SNX29: variants seen among roughly 807,000 people sequenced by gnomAD.
The protein encoded by SNX29 is sorting nexin-29.
A neutral mutation model predicts 102.1 loss-of-function variants in SNX29; 78 were observed. That is an observed-to-expected ratio of 0.76 (90% CI 0.64 to 0.92). The LOEUF (loss-of-function observed/expected upper bound fraction) is 0.92, where lower values mean the gene tolerates loss of function less well. SNX29 is among the 40% of genes least tolerant of loss of function. The pLI is 0.00. For synonymous variants in SNX29, 580 were observed against 414.5 expected (o/e 1.40, Z -4.85); for missense variants, 1,280 against 1,061.7 (o/e 1.21, Z -2.86).
intron 18 of SNX29, among the ~76,000 whole-genome samples, chr16:12,458,665 G>A (rs2086638435): frequency 6.6e-6 from 1 of 152,202 alleles, no homozygotes; most frequent in Non-Finnish European, 1.5e-5. Context: ...GAATTGTGTA[G>A]ATGAGTTAGA....
At chr16:12,566,595 A>AT (rs1312623511) in intron 20 of SNX29, among the ~76,000 whole-genome samples, 2 of 152,194 alleles carry the variant, frequency 1.3e-5, no homozygotes, top group Non-Finnish European at 2.9e-5. Flanking sequence ...GCCTTCCTGT[A>AT]TCTAAGAATC....
chr16:12,051,740 T>C, intron 7 of SNX29, 107 bp from the exon 8 acceptor site: 1 of 1,446,474 alleles, frequency 6.9e-7, no homozygotes, highest in Non-Finnish European at 9.3e-7. Flanking sequence ...TACAGTGTAT[T>C]TCTCACTCGA....
chr16:12,358,015 CCTA>C (rs2082190578), intron 16 of SNX29, among the ~76,000 whole-genome samples: 2 of 152,140 alleles, frequency 1.3e-5, no homozygotes, highest in Non-Finnish European at 2.9e-5. Context: ...TCAGGAGATG[CCTA>C]ATGTTTGCTA....
rs373223796 is a variant in SNX29, at chr16:12,561,422, G to A, written c.2319-7084G>A. Among the ~76,000 whole-genome samples, 4 of 152,144 alleles carry A rather than the reference G, an allele frequency of 2.6e-5. No individual in the cohort carries two copies. In the South Asian group the frequency reaches 8.3e-4, roughly 32 times the overall value. Reference sequence around the variant, plus strand: ...CACACACACAGATCAGTCCTAGCTGGGTTGCAGGGATCCAGCCCTCTAAGC... The same window carrying A: ...CACACACACAGATCAGTCCTAGCTGAGTTGCAGGGATCCAGCCCTCTAAGC... On this transcript the variant is annotated intron_variant, in intron 20 of 20. Coordinates refer to ENST00000566228, the MANE Select transcript of SNX29 (RefSeq NM_032167.5).
intron 16 of SNX29, 115 bp from the exon 17 acceptor site, chr16:12,398,331 A>C: frequency 1.7e-6 from 2 of 1,167,470 alleles, no homozygotes; most frequent in Non-Finnish European, 2.6e-6. Context: ...TTTTCACTTC[A>C]TTCTGAATAG....
At chr16:12,244,570 A>G (rs569227954) in intron 14 of SNX29, among the ~76,000 whole-genome samples, 4 of 152,052 alleles carry the variant, frequency 2.6e-5, no homozygotes, top group Non-Finnish European at 5.9e-5. Flanking sequence ...AGATCATGCC[A>G]TTGCACTCCA....
chr16:12,018,519 G>A (rs2151084577), intron 3 of SNX29, among the ~76,000 whole-genome samples: 1 of 151,340 alleles, frequency 6.6e-6, no homozygotes, highest in East Asian at 1.9e-4. Context: ...GGAGGCGCAG[G>A]TTGCAGTGAG....
At chr16:12,022,099 T>G (rs997512692) in intron 3 of SNX29, among the ~76,000 whole-genome samples, 1 of 151,660 alleles carries the variant, frequency 6.6e-6, no homozygotes, top group Non-Finnish European at 1.5e-5. Flanking sequence ...AAGTTTTTTT[T>G]TTTTTTTTTT....
chr16:12,056,687 G>T (rs544040283), intron 8 of SNX29, among the ~76,000 whole-genome samples: 38 of 152,290 alleles, frequency 2.5e-4, no homozygotes, highest in African/African-American at 9.1e-4. Context: ...ATTCTTTGAT[G>T]TCTGAAGAAG....
rs1406957966 is a variant in SNX29 at position 12,570,833 on chromosome 16, C to T, written c.*2204C>T. The stretch of plus-strand genomic sequence containing the variant: ...AACCCGTGAGAAACAAGTATGCTCT[C>T]AGCTGGTATTGAACTGGTGGGAGAA... On this transcript the variant is annotated 3_prime_UTR_variant, in exon 21 of 21. Coordinates refer to ENST00000566228, the MANE Select transcript of SNX29 (RefSeq NM_032167.5). 1.3e-5 allele frequency: 3 copies of T among 232,312 alleles called. No homozygotes were observed. Among genetic ancestry groups the T allele is most frequent in the South Asian group, 1.8e-4 (1 of 5,528 alleles). The allele number at this position is 232,312 out of a possible 1,614,324, so 14.4% of individuals were successfully genotyped here. A position where few individuals can be genotyped will look rare whatever the true frequency, so the allele number is the denominator to read the frequency against.
At chr16:12,229,961 T>G (rs1345012844) in intron 14 of SNX29, among the ~76,000 whole-genome samples, 1 of 152,232 alleles carries the variant, frequency 6.6e-6, no homozygotes, top group Non-Finnish European at 1.5e-5. Flanking sequence ...AGTAAATATT[T>G]TTGGCTTTGT....
intron 14 of SNX29, among the ~76,000 whole-genome samples, chr16:12,262,425 T>A (rs886161295): frequency 6.6e-6 from 1 of 152,190 alleles, no homozygotes; most frequent in Non-Finnish European, 1.5e-5. Flanking sequence ...AAGAGATACT[T>A]AAGCACATGC....
intron 14 of SNX29, among the ~76,000 whole-genome samples, chr16:12,261,138 C>G (rs1238024390): frequency 7.1e-6 from 1 of 140,584 alleles, no homozygotes; most frequent in Non-Finnish European, 1.5e-5. Flanking sequence ...TGAGTGGTTC[C>G]TGAGCTCCAG....
At chr16:12,521,103 C>T (rs968629033) in intron 19 of SNX29, among the ~76,000 whole-genome samples, 1 of 152,108 alleles carries the variant, frequency 6.6e-6, no homozygotes, top group African/African-American at 2.4e-5. Context: ...CTGCTTGAAC[C>T]TGGGAGGCGG....
intron 20 of SNX29, among the ~76,000 whole-genome samples, chr16:12,554,767 CT>C (rs1342393567): frequency 1.3e-5 from 2 of 152,192 alleles, no homozygotes; most frequent in African/African-American, 4.8e-5. Flanking sequence ...AACGTGCTCT[CT>C]CCCCCGCCAT....
intron 19 of SNX29, among the ~76,000 whole-genome samples, chr16:12,504,389 G>A (rs2089275711): frequency 6.6e-6 from 1 of 151,600 alleles, no homozygotes; most frequent in African/African-American, 2.4e-5. Flanking sequence ...ATATCCATAC[G>A]CAGCCTCTCC....
At chr16:12,469,978 A>C (rs1316620474) in intron 18 of SNX29, among the ~76,000 whole-genome samples, 1 of 152,152 alleles carries the variant, frequency 6.6e-6, no homozygotes, top group African/African-American at 2.4e-5. Context: ...GCGCCATTGC[A>C]CTCCAGCCTG....
chr16:12,544,008 G>A (rs1317730847), intron 20 of SNX29, among the ~76,000 whole-genome samples: 1 of 152,184 alleles, frequency 6.6e-6, no homozygotes, highest in Non-Finnish European at 1.5e-5. Flanking sequence ...AAATGCAAAA[G>A]CCCTGGACTC....
At chr16:12,289,642 A>G (rs1462942435) in intron 15 of SNX29, among the ~76,000 whole-genome samples, 1 of 152,172 alleles carries the variant, frequency 6.6e-6, no homozygotes, top group Non-Finnish European at 1.5e-5. Context: ...CGAACAGATG[A>G]ACTTCCTTAG....
Sources: allele counts gnomAD v4.1 joint callset (sites outside exome capture counted in the v4.1 genomes callset), GRCh38; gene constraint gnomAD v4.1.1; transcripts MANE v1.5; gene names NCBI Gene and HGNC (gene_info 2026-07-23, HGNC 2026-07-21).